F8: variants seen among roughly 807,000 people sequenced by gnomAD.
F8 encodes the protein antihemophilic factor.
F8 carries 12 observed loss-of-function variants against 140.6 expected under a neutral mutation model. The ratio of observed to expected loss-of-function variants is 0.09; its 90% CI spans 0.05 to 0.14. The LOEUF (loss-of-function observed/expected upper bound fraction) is 0.14, where lower values mean the gene tolerates loss of function less well. Among genes scored for constraint, F8 ranks in the 10% least tolerant of loss-of-function variants. F8 has a pLI of 1.00. For synonymous variants in F8, 585 were observed against 614.6 expected (o/e 0.95, Z 0.71); for missense variants, 1,354 against 1,720.7 (o/e 0.79, Z 3.77).
chrX:154,916,342 T>C (rs1480465678), intron 14 of F8, among the ~76,000 whole-genome samples: 3 of 112,156 alleles, frequency 2.7e-5, no homozygotes, highest in Non-Finnish European at 5.6e-5. Context: ...TTTGGAAACA[T>C]TCTTTTCTCT....
At chrX:154,855,844 G>A (rs189797378) in intron 25 of F8, among the ~76,000 whole-genome samples, 63 of 111,290 alleles carry the variant, frequency 5.7e-4, no homozygotes, top group African/African-American at 2.0e-3. Context: ...ATGACAAGGT[G>A]CACTACACTC....
At chrX:154,839,348 C>G (rs1603430970) in intron 25 of F8, among the ~76,000 whole-genome samples, 1 of 106,146 alleles carries the variant, frequency 9.4e-6, no homozygotes, top group East Asian at 3.0e-4. Context: ...GGCAACATAG[C>G]GAAATTCTGC....
At chrX:154,867,795 A>G (rs1557273256) in intron 22 of F8, among the ~76,000 whole-genome samples, 1 of 110,683 alleles carries the variant, frequency 9.0e-6, no homozygotes. Context: ...TCCTCAACAA[A>G]ACACCAGCCA....
intron 12 of F8, among the ~76,000 whole-genome samples, chrX:154,953,013 T>G (rs1393064241): frequency 8.9e-6 from 1 of 112,457 alleles, no homozygotes; most frequent in Non-Finnish European, 1.9e-5. Flanking sequence ...AGCCCACTAG[T>G]AATTATAATT....
chrX:154,952,306 A>C lies in F8; in HGVS notation c.1903+1586T>G, dbSNP rs369110197. On this transcript the variant is annotated intron_variant, in intron 12 of 25. Coordinates refer to ENST00000360256, the MANE Select transcript of F8 (RefSeq NM_000132.4). ...TGAACTATGTAAAAAATAAAAATGC[A>C]ACTCAAAGGACTAAACAACCTTAAA... Among the ~76,000 whole-genome samples the C allele has an allele frequency of 2.7e-5, 3 of 111,901 alleles. No homozygotes were observed. The East Asian group carries it at 8.3e-4, about 31-fold the overall frequency.
intron 1 of F8, among the ~76,000 whole-genome samples, chrX:155,013,147 A>C (rs2073717241): frequency 1.9e-5 from 2 of 103,092 alleles, no homozygotes. Context: ...CTCCGTCTCA[A>C]AAAAAAAAAA....
At chrX:154,851,490 T>G (rs2072614687) in intron 25 of F8, among the ~76,000 whole-genome samples, 1 of 111,970 alleles carries the variant, frequency 8.9e-6, no homozygotes, top group Non-Finnish European at 1.9e-5. Flanking sequence ...GTGGCTGCCC[T>G]ATTTCACATT....
chrX:154,941,966 A>G (rs1222314960), intron 13 of F8, among the ~76,000 whole-genome samples: 1 of 104,617 alleles, frequency 9.6e-6, no homozygotes, highest in Non-Finnish European at 2.0e-5. Flanking sequence ...CTTTGAAACC[A>G]ATGAGAACAA....
chrX:154,923,434 T>C (rs1242824998), intron 14 of F8, among the ~76,000 whole-genome samples: 1 of 111,833 alleles, frequency 8.9e-6, no homozygotes, highest in East Asian at 2.8e-4. Flanking sequence ...TGAATTCCCA[T>C]GTGTTGTGGG....
chrX:154,851,193 G>A (rs2072612505), intron 25 of F8, among the ~76,000 whole-genome samples: 1 of 112,386 alleles, frequency 8.9e-6, no homozygotes, highest in Non-Finnish European at 1.9e-5. Context: ...ATGCTTTCAA[G>A]GAGCATCCAT....
rs782435894 is a variant in F8 at position 154,837,519 on chromosome X, G to A, written c.*78C>T. On this transcript the variant is annotated 3_prime_UTR_variant, in exon 26 of 26. Transcript: ENST00000360256. ...GCTAGGATTTAGCACAAAGGTAGAA[G>A]GCAAGCCAGGGAGGGACACTGCCCT... 8.0e-4 allele frequency: 877 copies of A among 1,094,408 alleles called. No individual in the cohort carries two copies. Among genetic ancestry groups the A allele is most frequent in the Non-Finnish European group, 1.0e-3 (841 of 808,339 alleles). The allele number at this position is 1,094,408 out of a possible 1,213,427, so 90.2% of individuals were successfully genotyped here.
At chrX:154,978,084 C>A (rs887247480) in intron 6 of F8, among the ~76,000 whole-genome samples, 7 of 109,446 alleles carry the variant, frequency 6.4e-5, no homozygotes, top group Admixed American at 3.0e-4. Context: ...TCAATGAATT[C>A]TTTGGTTCCA....
intron 25 of F8, among the ~76,000 whole-genome samples, chrX:154,859,371 C>T (rs1037922345): frequency 3.8e-5 from 4 of 104,642 alleles, no homozygotes; most frequent in Non-Finnish European, 5.9e-5. Context: ...GGTGCGATCT[C>T]GGCTCACTGC....
At chrX:154,966,296 T>C in intron 8 of F8, 130 bp downstream of exon 8, 3 of 932,690 alleles carry the variant, frequency 3.2e-6, no homozygotes, top group South Asian at 4.7e-5. Context: ...CAAATGTTAA[T>C]ACCCTTGCCA....
chrX:154,955,447 C>T (rs1006151638), intron 11 of F8, among the ~76,000 whole-genome samples: 1 of 107,305 alleles, frequency 9.3e-6, no homozygotes, highest in African/African-American at 3.4e-5. Context: ...GCGTGAGCCA[C>T]CGCACGTAGC....
chrX:155,022,517 G>A lies in F8; in HGVS notation c.36C>T (p.Cys12=), dbSNP rs782639504. Residue 12 remains cysteine (C), a synonymous_variant, in exon 1 of 26, where the codon TGC becomes TGT. Coordinates refer to ENST00000360256, the MANE Select transcript of F8 (RefSeq NM_000132.4). The stretch of plus-strand genomic sequence containing the variant: ...TGGCACTAAAGCAGAATCGCAAAAG[G>A]CACAGAAAGAAGCAGGTGGAGAGCT... ...QIELSTCFFL[C]LLRFCFSATR... The A allele has an allele frequency of 2.5e-6, 3 of 1,211,410 alleles. No homozygotes were observed. The Admixed American group carries it at 6.5e-5, about 26-fold the overall frequency.
intron 6 of F8, among the ~76,000 whole-genome samples, chrX:154,973,434 C>T (rs2073468986): frequency 8.9e-6 from 1 of 112,423 alleles, no homozygotes. Flanking sequence ...CTGTAGATTG[C>T]TTTGGCTTTA....
In F8 at chrX:154,929,743, C is replaced by A. The variant is rs2073182131; in HGVS notation, c.4047G>T (p.Arg1349Ser). ...LPLEETELEK[R>S]IIVDDTSTQW... Reference sequence around the variant, plus strand: ...GGGTTGAGGTGTCATCCACAATTATCCTTTTTTCAAGTTCTGTTTCTTCTA... The same window carrying A: ...GGGTTGAGGTGTCATCCACAATTATACTTTTTTCAAGTTCTGTTTCTTCTA... The change falls in exon 14 of 26, where the codon AGG (arginine) becomes AGT (serine). Residue 1349 changes from arginine to serine, a missense_variant. Arg to Ser is a moderately radical substitution (Grantham distance 110). Around this residue, in one of 4 missense-constraint regions of F8, gnomAD observed 658 missense variants for 666.5 expected, o/e 0.99. Transcript: ENST00000360256. 8.3e-7 allele frequency: 1 copy of A among 1,211,036 alleles called. No homozygotes were observed.
intron 1 of F8, among the ~76,000 whole-genome samples, chrX:155,013,514 C>T (rs1255307964): frequency 9.0e-6 from 1 of 111,517 alleles, no homozygotes; most frequent in African/African-American, 3.3e-5. Context: ...TACCCAGTCT[C>T]GGGTATGTCC....
Sources: allele counts gnomAD v4.1 joint callset (sites outside exome capture counted in the v4.1 genomes callset), GRCh38; gene constraint gnomAD v4.1.1; regional missense constraint gnomAD v4.1.1; transcripts MANE v1.5; gene names NCBI Gene and HGNC (gene_info 2026-07-23, HGNC 2026-07-21).